The following DMD variants were observed in gnomAD, a reference collection of about 807,000 sequenced individuals.
DMD encodes dystrophin.
DMD carries 63 observed loss-of-function variants against 330.1 expected under a neutral mutation model. The observed-to-expected ratio is 0.19, with a 90% CI of 0.16 to 0.24. The LOEUF is 0.24. DMD is among the 10% of genes least tolerant of loss of function. The pLI, the probability that DMD is intolerant of heterozygous loss-of-function variation, is 1.00. For missense variants in DMD, 3,344 were observed against 2,684.1 expected (o/e 1.25, Z -5.43); for synonymous variants, 1,223 against 959.8 (o/e 1.27, Z -5.07).
chrX:33,237,214 TTCCC>T (rs776252834), intron 1 of DMD, among the ~76,000 whole-genome samples: 9 of 74,399 alleles, frequency 1.2e-4, no homozygotes, highest in Middle Eastern at 6.7e-3. Flanking sequence ...CCTCCCTTCC[TTCCC>T]TCCCTCCCTC....
At chrX:32,564,726 G>A (rs900419484) in intron 16 of DMD, among the ~76,000 whole-genome samples, 1 of 111,786 alleles carries the variant, frequency 8.9e-6, no homozygotes, top group African/African-American at 3.2e-5. Flanking sequence ...TTATTACGCT[G>A]TCTTAAATTG....
intron 51 of DMD, among the ~76,000 whole-genome samples, chrX:31,756,116 G>T (rs1279161406): frequency 9.0e-6 from 1 of 110,991 alleles, no homozygotes; most frequent in East Asian, 2.8e-4. Context: ...CTGGGGTTCA[G>T]ATACGAGACT....
At chrX:32,338,705 C>A (rs1381178689) in intron 41 of DMD, among the ~76,000 whole-genome samples, 1 of 110,896 alleles carries the variant, frequency 9.0e-6, no homozygotes, top group Admixed American at 9.7e-5. Context: ...TTTCACATGA[C>A]CCTTGGGGGT....
intron 43 of DMD, among the ~76,000 whole-genome samples, chrX:32,265,882 G>A (rs1436103235): frequency 8.9e-6 from 1 of 111,983 alleles, no homozygotes; most frequent in East Asian, 2.8e-4. Flanking sequence ...TGGCTCCTAG[G>A]CAGAAGTGAC....
At chrX:32,408,882 A>G (rs1156924520) in intron 30 of DMD, among the ~76,000 whole-genome samples, 1 of 105,744 alleles carries the variant, frequency 9.5e-6, no homozygotes, top group Non-Finnish European at 2.0e-5. Context: ...CTATCTATCT[A>G]TCTATCTATC....
At chrX:32,622,666 G>T (rs2058075377) in intron 11 of DMD, among the ~76,000 whole-genome samples, 1 of 111,722 alleles carries the variant, frequency 9.0e-6, no homozygotes, top group South Asian at 3.7e-4. Flanking sequence ...TCTCCAGTTT[G>T]CTGTAGTCCT....
chrX:32,384,391 T>C (rs1408550941), intron 33 of DMD, among the ~76,000 whole-genome samples: 1 of 111,069 alleles, frequency 9.0e-6, no homozygotes, highest in East Asian at 2.8e-4. Context: ...GGTACCTTGG[T>C]AGACCAAATG....
intron 67 of DMD, among the ~76,000 whole-genome samples, chrX:31,201,158 TACACACACACACACACACACACACAC>T (rs57235865): frequency 2.0e-5 from 2 of 98,281 alleles, no homozygotes; most frequent in Non-Finnish European, 2.0e-5. Flanking sequence ...AGAGACCCTG[TACACACACACACACACACACACACAC>T]ACACACACAC....
chrX:31,180,803 T>A (rs1038155455), intron 68 of DMD, among the ~76,000 whole-genome samples: 2 of 111,688 alleles, frequency 1.8e-5, no homozygotes, highest in African/African-American at 6.5e-5. Context: ...GAAAACCAAA[T>A]ACTCAAATTT....
chrX:32,345,809 C>T (rs1603631314), intron 39 of DMD, 134 bp downstream of exon 39: 1 of 613,493 alleles, frequency 1.6e-6, no homozygotes, highest in Middle Eastern at 5.3e-4. Context: ...TTAAATAAAG[C>T]ATACACATTG....
chrX:32,454,615 C>A, intron 26 of DMD, 47 bp downstream of exon 26: 1 of 1,042,750 alleles, frequency 9.6e-7, no homozygotes, highest in East Asian at 3.1e-5. Flanking sequence ...CTTTCTTTTT[C>A]CATTTATTTC....
At chrX:32,667,769 T>C (rs1008541284) in intron 9 of DMD, among the ~76,000 whole-genome samples, 1 of 39,691 alleles carries the variant, frequency 2.5e-5, no homozygotes, top group Non-Finnish European at 7.7e-5. Context: ...GCTTTTGTGT[T>C]TTTTTTTTTT....
intron 52 of DMD, among the ~76,000 whole-genome samples, chrX:31,702,346 C>T (rs757558662): frequency 3.6e-5 from 4 of 111,984 alleles, no homozygotes; most frequent in Admixed American, 9.5e-5. Context: ...TAGAGCCAAA[C>T]GCCTACTAAA....
chrX:32,327,184 T>C (rs1276803237), intron 41 of DMD, among the ~76,000 whole-genome samples: 1 of 48,471 alleles, frequency 2.1e-5, no homozygotes, highest in African/African-American at 9.9e-5. Flanking sequence ...ACTTCAAAGC[T>C]ACTAGGGGCA....
intron 51 of DMD, among the ~76,000 whole-genome samples, chrX:31,771,768 T>C (rs1025544782): frequency 1.8e-5 from 2 of 112,112 alleles, no homozygotes; most frequent in Non-Finnish European, 3.8e-5. Context: ...CCCAAAGCGC[T>C]GGGAGTGCAG....
At chrX:31,881,427 C>T (rs1241120086) in intron 47 of DMD, among the ~76,000 whole-genome samples, 1 of 108,889 alleles carries the variant, frequency 9.2e-6, no homozygotes, top group Non-Finnish European at 1.9e-5. Context: ...AAAATGTGTC[C>T]TCATAAATTT....
intron 9 of DMD, among the ~76,000 whole-genome samples, chrX:32,654,611 C>T (rs1019216905): frequency 9.1e-6 from 1 of 109,869 alleles, no homozygotes; most frequent in Non-Finnish European, 1.9e-5. Context: ...CTAAAATTCT[C>T]TTTTTTTTGT....
At chrX:32,769,217 C>T (rs1003452050) in intron 7 of DMD, among the ~76,000 whole-genome samples, 8 of 112,267 alleles carry the variant, frequency 7.1e-5, no homozygotes, top group African/African-American at 2.3e-4. Context: ...AATTCATTTA[C>T]GGTTCCACGT....
At chrX:32,513,417 A>C (rs773221872) in intron 18 of DMD, among the ~76,000 whole-genome samples, 7 of 112,702 alleles carry the variant, frequency 6.2e-5, no homozygotes, top group Non-Finnish European at 1.1e-4. Flanking sequence ...CAGGATTGTC[A>C]TCTTAAATAG....
Sources: gnomAD v4.1 joint callset for allele counts (sites outside exome capture counted in the v4.1 genomes callset) on GRCh38, gnomAD v4.1.1 for gene constraint, MANE v1.5 for transcripts, NCBI Gene and HGNC (gene_info 2026-07-23, HGNC 2026-07-21) for gene names.